FSHR: variants seen among roughly 807,000 people sequenced by gnomAD.
FSHR encodes the protein follicle-stimulating hormone receptor.
Under a neutral mutation model 52.1 loss-of-function variants are expected in FSHR, and 46 were observed. That is an observed-to-expected ratio of 0.88 (90% CI 0.70 to 1.13). The LOEUF is 1.13. Ranked by LOEUF, FSHR falls within the 50% of genes most tolerant of loss-of-function variation. The pLI, the probability that FSHR is intolerant of heterozygous loss-of-function variation, is 0.00. For missense variants in FSHR, 964 were observed against 834.6 expected, an observed-to-expected ratio of 1.16 and a Z score of -1.91; for synonymous variants, 399 against 309.6, an observed-to-expected ratio of 1.29 and a Z score of -3.03.
At chr2:49,089,061 C>G (rs1166091172) in intron 1 of FSHR, among the ~76,000 whole-genome samples, 1 of 146,650 alleles carries the variant, frequency 6.8e-6, no homozygotes, top group Non-Finnish European at 1.5e-5. Flanking sequence ...AGACTTAGTG[C>G]TCAGAATGCA....
intron 1 of FSHR, among the ~76,000 whole-genome samples, chr2:49,075,263 T>C (rs1287057570): frequency 6.6e-6 from 1 of 152,182 alleles, no homozygotes; most frequent in African/African-American, 2.4e-5. Flanking sequence ...CACTCTGTTC[T>C]GATGCATTGA....
intron 7 of FSHR, 48 bp downstream of exon 7, chr2:48,983,050 G>A (rs1037185623): frequency 2.5e-6 from 4 of 1,606,944 alleles, no homozygotes; most frequent in African/African-American, 1.3e-5. Flanking sequence ...GCTGTTGTAA[G>A]AGCCATTTCC....
chr2:49,013,035 A>G (rs535897976), intron 4 of FSHR, among the ~76,000 whole-genome samples: 16 of 151,996 alleles, frequency 1.1e-4, no homozygotes, highest in Admixed American at 5.2e-4. Flanking sequence ...ATAAGATAAG[A>G]CACCAGAAAC....
chr2:49,095,906 T>G (rs1033583099), intron 1 of FSHR, among the ~76,000 whole-genome samples: 4 of 152,090 alleles, frequency 2.6e-5, no homozygotes, highest in Non-Finnish European at 4.4e-5. Context: ...GATAAAATAA[T>G]CACAATGAAA....
chr2:49,120,057 G>A (rs1380855926), intron 1 of FSHR, among the ~76,000 whole-genome samples: 1 of 152,180 alleles, frequency 6.6e-6, no homozygotes, highest in Non-Finnish European at 1.5e-5. Flanking sequence ...ATCACTTGAG[G>A]TTAGGAGTAC....
intron 4 of FSHR, among the ~76,000 whole-genome samples, chr2:48,995,611 T>G (rs1366001099): frequency 6.6e-6 from 1 of 152,104 alleles, no homozygotes; most frequent in Non-Finnish European, 1.5e-5. Context: ...TGGGCAAGCA[T>G]TAGAAGCCAC....
intron 1 of FSHR, among the ~76,000 whole-genome samples, chr2:49,073,280 C>A (rs1669817599): frequency 6.6e-6 from 1 of 152,044 alleles, no homozygotes; most frequent in African/African-American, 2.4e-5. Context: ...TTCCTACTTG[C>A]AGATTACATG....
chr2:49,031,005 TA>T (rs1668080832), intron 2 of FSHR, among the ~76,000 whole-genome samples: 1 of 152,234 alleles, frequency 6.6e-6, no homozygotes, highest in African/African-American at 2.4e-5. Flanking sequence ...GATTATTTTT[TA>T]ACATGAGTCT....
At chr2:48,995,923 C>G (rs949185073) in intron 4 of FSHR, among the ~76,000 whole-genome samples, 3 of 152,096 alleles carry the variant, frequency 2.0e-5, no homozygotes, top group South Asian at 2.1e-4. Context: ...TGAAACAGCT[C>G]TCTCTTAGTC....
chr2:49,032,431 G>A (rs1271408433), intron 2 of FSHR, among the ~76,000 whole-genome samples: 2 of 152,072 alleles, frequency 1.3e-5, no homozygotes, highest in East Asian at 3.9e-4. Flanking sequence ...AGTATTTTTG[G>A]TGCCAAATCT....
chr2:49,077,881 C>T (rs1558427861), intron 1 of FSHR, among the ~76,000 whole-genome samples: 2 of 152,342 alleles, frequency 1.3e-5, no homozygotes, highest in Middle Eastern at 3.4e-3. Flanking sequence ...TCTGAGACCA[C>T]CTCAGTCTAA....
chr2:49,126,611 A>C (rs1672005314), intron 1 of FSHR, among the ~76,000 whole-genome samples: 1 of 152,128 alleles, frequency 6.6e-6, no homozygotes, highest in Non-Finnish European at 1.5e-5. Flanking sequence ...AGTTATAGTA[A>C]TTTTCAGGGC....
intron 1 of FSHR, among the ~76,000 whole-genome samples, chr2:49,145,780 A>C (rs772786070): frequency 6.6e-6 from 1 of 152,086 alleles, no homozygotes; most frequent in Non-Finnish European, 1.5e-5. Context: ...CCTAATATAG[A>C]ACCTTGAACA....
In FSHR at chr2:48,983,099, G is replaced by A. The variant is rs149847853; in HGVS notation, c.592C>T (p.Leu198=). Residue 198 remains leucine, a splice_region_variant and synonymous_variant, in exon 7 of 10, where the codon CTG becomes TTG. Transcript: ENST00000406846. ...TGAAGAATAGTCAGGGCTACTTACAGCTCATCTAGTTGGGTTCCATTGAAT... is the reference window on the plus strand; with the variant it reads ...TGAAGAATAGTCAGGGCTACTTACAACTCATCTAGTTGGGTTCCATTGAAT... ...CAFNGTQLDE[L]NLSDNNNLEE... is the part of the protein sequence containing the mutation. 9 of 1,613,846 alleles carry A rather than the reference G, an allele frequency of 5.6e-6. No individual in the cohort carries two copies. The highest frequency in any genetic ancestry group is 6.8e-6 in the Non-Finnish European group (8 of 1,179,744).
chr2:49,038,265 A>C (rs1668343553), intron 2 of FSHR, among the ~76,000 whole-genome samples: 1 of 152,184 alleles, frequency 6.6e-6, no homozygotes, highest in East Asian at 1.9e-4. Context: ...AAACAAATAG[A>C]GTTTAAGAAG....
intron 4 of FSHR, among the ~76,000 whole-genome samples, chr2:48,999,282 T>A (rs199673066): frequency 3.3e-5 from 5 of 151,972 alleles, no homozygotes; most frequent in East Asian, 3.9e-4. Context: ...TCCACTACCT[T>A]GGAGACAGGT....
At chr2:49,027,544 G>A (rs899872321) in intron 2 of FSHR, among the ~76,000 whole-genome samples, 1 of 152,108 alleles carries the variant, frequency 6.6e-6, no homozygotes, top group African/African-American at 2.4e-5. Flanking sequence ...GGAATTGAAA[G>A]AAGATGAGAA....
At position 48,985,568 on chromosome 2, in the gene FSHR, C is replaced by T. The variant is rs1675464228; in HGVS notation, c.525-2402G>A. Among the ~76,000 whole-genome samples, 3 of 152,166 alleles carry T rather than the reference C, an allele frequency of 2.0e-5. No homozygotes were observed. In the South Asian group the frequency reaches 6.2e-4, roughly 32 times the overall value. On this transcript the variant is annotated intron_variant, in intron 6 of 9. Transcript: ENST00000406846. ...GCCTCTACACAGTGGGTTTTTATTG[C>T]TCACTTCTCTGATTCACTAGGCTAG...
At chr2:49,111,615 C>T (rs908052057) in intron 1 of FSHR, among the ~76,000 whole-genome samples, 1 of 152,056 alleles carries the variant, frequency 6.6e-6, no homozygotes, top group African/African-American at 2.4e-5. Flanking sequence ...TGGAAGGAGC[C>T]GTTGTTGCCT....
Sources: gnomAD v4.1 joint callset for allele counts (sites outside exome capture counted in the v4.1 genomes callset) on GRCh38, gnomAD v4.1.1 for gene constraint, MANE v1.5 for transcripts, NCBI Gene and HGNC (gene_info 2026-07-23, HGNC 2026-07-21) for gene names.